FAM120AOS: variants seen among roughly 807,000 people sequenced by gnomAD.
The protein encoded by FAM120AOS is uncharacterized protein FAM120AOS.
FAM120AOS carries 15 observed loss-of-function variants against 20.2 expected under a neutral mutation model. The ratio of observed to expected loss-of-function variants is 0.74; its 90% CI spans 0.50 to 1.15. The LOEUF is 1.15. Ranked by LOEUF, FAM120AOS falls within the 50% of genes most tolerant of loss-of-function variation. The pLI, the probability that FAM120AOS is intolerant of heterozygous loss-of-function variation, is 0.00. For synonymous variants in FAM120AOS, 154 were observed against 154.0 expected (o/e 1.00, Z 0.00); for missense variants, 327 against 351.9 (o/e 0.93, Z 0.57).
chr9:93,451,681 C>G (rs1045383891), intron 1 of FAM120AOS: 3 of 982,876 alleles, frequency 3.1e-6, no homozygotes, highest in African/African-American at 3.5e-5. Context: ...GCCTCGGCCT[C>G]GGCCTCGGCC....
chr9:93,451,870 CCCG>C, intron 1 of FAM120AOS: 8 of 1,114,074 alleles, frequency 7.2e-6, no homozygotes, highest in Non-Finnish European at 7.7e-6. Context: ...CACCCCCGGC[CCCG>C]CCGCCCCCCG....
At chr9:93,449,680 G>A (rs1451023382) in intron 2 of FAM120AOS, among the ~76,000 whole-genome samples, 4 of 152,034 alleles carry the variant, frequency 2.6e-5, no homozygotes, top group African/African-American at 9.6e-5. Flanking sequence ...TAGAGATGGG[G>A]TTTTACCATG....
Position 93,452,759 on chromosome 9 carries a change from C to T in FAM120AOS, c.-50G>A, listed in dbSNP as rs969493800. On this transcript the variant is annotated 5_prime_UTR_variant, in exon 1 of 3. Transcript: ENST00000375412. The surrounding 1 kb of genome is among the most constrained non-coding windows in gnomAD (Gnocchi z 7.0). ...ACTCACCTTCAACTTTGACAAAATA[C>T]TCCCTTTTCTAATTTAGCCTGTTCT... is the stretch of plus-strand genomic sequence containing the variant. The T allele has an allele frequency of 1.3e-6, 2 of 1,596,882 alleles. No homozygotes were observed. The highest frequency in any genetic ancestry group is 1.7e-6 in the Non-Finnish European group (2 of 1,179,538).
At chr9:93,451,548 G>C (rs1857197949) in intron 1 of FAM120AOS, 7 of 985,528 alleles carry the variant, frequency 7.1e-6, no homozygotes, top group Non-Finnish European at 8.4e-6. Context: ...CCGCCTCCGG[G>C]AGCCCCGAGC....
chr9:93,451,157 C>G (rs1337624249), intron 1 of FAM120AOS: 13 of 1,550,278 alleles, frequency 8.4e-6, no homozygotes, highest in Non-Finnish European at 1.1e-5. Flanking sequence ...CGGCCAGCAT[C>G]CCGCTCTCCC....
intron 1 of FAM120AOS, chr9:93,451,175 G>A: frequency 6.5e-7 from 1 of 1,549,796 alleles, no homozygotes; most frequent in South Asian, 1.2e-5. Context: ...CCCGGACCCC[G>A]CAGTCAGTGT....
Position 93,453,092 on chromosome 9 carries a change from G to T in FAM120AOS, c.-383C>A, listed in dbSNP as rs1483720897. 9.5e-7 allele frequency: 1 copy of T among 1,054,964 alleles called. No homozygotes were observed. Among genetic ancestry groups the T allele is most frequent in the Non-Finnish European group, 1.1e-6 (1 of 874,356 alleles). 65.4% of individuals were successfully genotyped at this position (1,054,964 alleles called of 1,614,324 possible). On this transcript the variant is annotated 5_prime_UTR_variant, in exon 1 of 3. Coordinates refer to ENST00000375412, the MANE Select transcript of FAM120AOS (RefSeq NM_198841.4). ...TTGTCAGTTCTGTGACTTCACGTCC[G>T]TGTGAAAGAGGTCTTTAAGGCAGTT...
At chr9:93,451,591 T>C in intron 1 of FAM120AOS, 1 of 982,486 alleles carries the variant, frequency 1.0e-6, no homozygotes, top group Non-Finnish European at 1.2e-6. Flanking sequence ...TTCCGCCTGC[T>C]AGCCGGCGGG....
chr9:93,449,892 C>T (rs1358023172), intron 2 of FAM120AOS, among the ~76,000 whole-genome samples: 1 of 152,232 alleles, frequency 6.6e-6, no homozygotes, highest in Admixed American at 6.5e-5. Flanking sequence ...AACTACTACT[C>T]CTCACCTTGT....
At position 93,452,535 on chromosome 9, in the gene FAM120AOS, C is replaced by T. The variant is rs1399911295; in HGVS notation, c.175G>A (p.Gly59Ser). 3.2e-6 allele frequency: 5 copies of T among 1,565,502 alleles called. No homozygotes were observed. Among genetic ancestry groups the T allele is most frequent in the African/African-American group, 1.3e-5 (1 of 74,160 alleles). Residue 59 changes from glycine (G) to serine (S), a missense_variant, in exon 1 of 3, where the codon GGC (glycine) becomes AGC (serine). By Grantham distance (56) the Gly-to-Ser change is moderately conservative (BLOSUM62 0). Transcript: ENST00000375412. This position sits in a 1 kb window ranked among gnomAD's most constrained non-coding sequence, Gnocchi z 7.0. ...LHPRPSILQP[G>S]PARLSRARAG... Reference sequence around the variant, plus strand: ...CTTGCCCGGGATAGCCTGGCCGGGCCGGGCTGCAAGATGGATGGCCGCGGG... The same window carrying T: ...CTTGCCCGGGATAGCCTGGCCGGGCTGGGCTGCAAGATGGATGGCCGCGGG...
chr9:93,451,167 C>G lies in FAM120AOS; in HGVS notation c.564-568G>C, dbSNP rs555732327. On this transcript the variant is annotated intron_variant, in intron 1 of 2. Transcript: ENST00000375412. ...GCGGCCGGCCAGCATCCCGCTCTCC[C>G]GGACCCCGCAGTCAGTGTGGGCAGC... is the stretch of plus-strand genomic sequence containing the variant. 6.5e-6 allele frequency: 10 copies of G among 1,550,118 alleles called. No individual in the cohort carries two copies. In the Admixed American group the frequency reaches 2.0e-4, roughly 30 times the overall value.
In FAM120AOS at chr9:93,453,389, C is replaced by G. The variant is rs2282144; in HGVS notation, c.-680G>C. ...CATCCATGATCCTGGACTTCACGTT[C>G]TGATTGCTTGCTTTTTTCATTGGTT... On this transcript the variant is annotated 5_prime_UTR_variant, in exon 1 of 3. Transcript: ENST00000375412. 35 of 985,462 alleles carry G rather than the reference C, an allele frequency of 3.6e-5. No individual in the cohort carries two copies. In the East Asian group the frequency reaches 3.7e-3, roughly 105 times the overall value. 61.0% of individuals were successfully genotyped at this position (985,462 alleles called of 1,614,324 possible). A position where few individuals can be genotyped will look rare whatever the true frequency, so the allele number is the denominator to read the frequency against.
In FAM120AOS at chr9:93,453,338, C is replaced by A. The variant is rs1857374498; in HGVS notation, c.-629G>T. On this transcript the variant is annotated 5_prime_UTR_variant, in exon 1 of 3. Transcript: ENST00000375412. ...ACTGGGCCAGAGGAGAACTTCAGGA[C>A]CCAGCAGTGACTGTGAAGATAAGCA... 1 of 985,694 alleles carries A rather than the reference C, an allele frequency of 1.0e-6. No homozygotes were observed. The highest frequency in any genetic ancestry group is 1.7e-5 in the African/African-American group (1 of 57,228). 61.1% of individuals were successfully genotyped at this position (985,694 alleles called of 1,614,324 possible). A position where few individuals can be genotyped will look rare whatever the true frequency, so the allele number is the denominator to read the frequency against.
chr9:93,450,708 T>G, intron 1 of FAM120AOS, 109 bp from the exon 2 acceptor site: 1 of 1,500,856 alleles, frequency 6.7e-7, no homozygotes, highest in Non-Finnish European at 9.1e-7. Context: ...TAATCTCTTT[T>G]TGAAAATGTT....
rs936468654 is a variant in FAM120AOS at position 93,453,163 on chromosome 9, G to T, written c.-454C>A. Reference sequence around the variant, plus strand: ...GAAAGGAGTCGCTCAAAATCAGGGGGCGAACTACGCGGGCGTGAACTCGCA... The same window carrying T: ...GAAAGGAGTCGCTCAAAATCAGGGGTCGAACTACGCGGGCGTGAACTCGCA... On this transcript the variant is annotated 5_prime_UTR_variant, in exon 1 of 3. Transcript: ENST00000375412. 16 of 1,001,960 alleles carry T rather than the reference G, an allele frequency of 1.6e-5. No homozygotes were observed. The highest frequency in any genetic ancestry group is 1.8e-5 in the Non-Finnish European group (15 of 841,246). The allele number at this position is 1,001,960 out of a possible 1,614,324, so 62.1% of individuals were successfully genotyped here. A position where few individuals can be genotyped will look rare whatever the true frequency, so the allele number is the denominator to read the frequency against.
rs1292513994 is a variant in FAM120AOS at position 93,452,872 on chromosome 9, A to G, written c.-163T>C. 1 of 1,459,130 alleles carries G rather than the reference A, an allele frequency of 6.9e-7. No homozygotes were observed. Among genetic ancestry groups the G allele is most frequent in the Non-Finnish European group, 9.0e-7 (1 of 1,114,162 alleles). 90.4% of individuals were successfully genotyped at this position (1,459,130 alleles called of 1,614,324 possible). On this transcript the variant is annotated 5_prime_UTR_variant, in exon 1 of 3. Coordinates refer to ENST00000375412, the MANE Select transcript of FAM120AOS (RefSeq NM_198841.4). This position sits in a 1 kb window ranked among gnomAD's most constrained non-coding sequence, Gnocchi z 7.0. ...AGAGCCCTTGGGGGCTGCAAATATC[A>G]GTGCTGCTGCCGCCGCCCTTGCCAA...
upstream of FAM120AOS, chr9:93,453,593 G>A (rs1056079291): frequency 5.1e-6 from 5 of 985,274 alleles, no homozygotes; most frequent in Non-Finnish European, 4.8e-6. Context: ...AAATGATAGC[G>A]GAAGTCCCAC....
At chr9:93,451,198 C>T in intron 1 of FAM120AOS, 1 of 1,538,808 alleles carries the variant, frequency 6.5e-7, no homozygotes, top group South Asian at 1.2e-5. Context: ...GCAGCAGGCC[C>T]AGAGTGGTGC....
In FAM120AOS at chr9:93,445,239, G is replaced by A. The variant is rs553744626; in HGVS notation, c.*2372C>T. Reference sequence around the variant, plus strand: ...CCTTTTCCCTTCCTAAAGGTACTCAGGTTTCTTTCTCAGAAATTGTATATA... The same window carrying A: ...CCTTTTCCCTTCCTAAAGGTACTCAAGTTTCTTTCTCAGAAATTGTATATA... On this transcript the variant is annotated 3_prime_UTR_variant, in exon 3 of 3. Transcript: ENST00000375412. 6.6e-6 allele frequency among the ~76,000 whole-genome samples: 1 copy of A among 152,098 alleles called. No homozygotes were observed. The highest frequency in any genetic ancestry group is 2.1e-4 in the South Asian group (1 of 4,806).
Sources: allele counts gnomAD v4.1 joint callset (sites outside exome capture counted in the v4.1 genomes callset), GRCh38; gene constraint gnomAD v4.1.1; non-coding constraint Gnocchi (gnomAD v3.1); transcripts MANE v1.5; gene names NCBI Gene and HGNC (gene_info 2026-07-23, HGNC 2026-07-21).